The following ADAM10 variants were observed in gnomAD, a reference collection of about 807,000 sequenced individuals.
The protein encoded by ADAM10 is ADAM metallopeptidase domain 10.
In ADAM10, 17 loss-of-function variants were observed where a neutral mutation model predicts 90.1. The ratio of observed to expected loss-of-function variants is 0.19; its 90% confidence interval spans 0.13 to 0.28. The LOEUF is 0.28. Among genes scored for constraint, ADAM10 ranks in the 10% least tolerant of loss-of-function variants. The pLI, the probability that ADAM10 is intolerant of heterozygous loss-of-function variation, is 1.00. For synonymous variants in ADAM10, 310 were observed against 298.6 expected (o/e 1.04, Z -0.40); for missense variants, 610 against 914.3 (o/e 0.67, Z 4.29).
chr15:58,607,528 C>T (rs2140994786), intron 14 of ADAM10, among the ~76,000 whole-genome samples: 1 of 152,314 alleles, frequency 6.6e-6, no homozygotes, highest in Non-Finnish European at 1.5e-5. Flanking sequence ...TCTAATGGAA[C>T]TAGTGTTCTG....
intron 2 of ADAM10, among the ~76,000 whole-genome samples, chr15:58,699,072 GGAA>G (rs1406768706): frequency 6.6e-6 from 1 of 152,124 alleles, no homozygotes; most frequent in East Asian, 1.9e-4. Flanking sequence ...CATTTACAAG[GGAA>G]CTCCTATCAG....
At chr15:58,629,834 G>T (rs539805565) in intron 9 of ADAM10, among the ~76,000 whole-genome samples, 2 of 151,786 alleles carry the variant, frequency 1.3e-5, no homozygotes, top group African/African-American at 4.8e-5. Flanking sequence ...GTGTAGTGGC[G>T]TGATCCTGGC....
intron 14 of ADAM10, among the ~76,000 whole-genome samples, chr15:58,608,040 C>G (rs536645725): frequency 1.4e-4 from 22 of 152,246 alleles, no homozygotes; most frequent in African/African-American, 5.3e-4. Context: ...TTTATCCTGT[C>G]CAAACACACA....
intron 11 of ADAM10, among the ~76,000 whole-genome samples, chr15:58,619,589 A>G (rs774724949): frequency 4.6e-5 from 7 of 152,210 alleles, no homozygotes; most frequent in Non-Finnish European, 7.3e-5. Flanking sequence ...ATAAATATGT[A>G]CAATCATTAT....
At chr15:58,654,335 T>C (rs2140710032) in intron 5 of ADAM10, among the ~76,000 whole-genome samples, 1 of 152,302 alleles carries the variant, frequency 6.6e-6, no homozygotes, top group East Asian at 1.9e-4. Context: ...ATATAAACTT[T>C]CCTCTTAGTA....
At chr15:58,748,802 T>C (rs1368432339) in intron 1 of ADAM10, 6 of 397,300 alleles carry the variant, frequency 1.5e-5, no homozygotes, top group Non-Finnish European at 2.7e-5. Flanking sequence ...CACCCTCCTG[T>C]GATCTCTCTC....
At chr15:58,668,759 T>C (rs1347468828) in intron 4 of ADAM10, among the ~76,000 whole-genome samples, 2 of 152,266 alleles carry the variant, frequency 1.3e-5, no homozygotes, top group East Asian at 3.9e-4. Flanking sequence ...AATTTTAAAA[T>C]TCTCTTTCCT....
At chr15:58,713,388 G>A (rs1192952727) in intron 2 of ADAM10, among the ~76,000 whole-genome samples, 1 of 152,122 alleles carries the variant, frequency 6.6e-6, no homozygotes, top group Non-Finnish European at 1.5e-5. Flanking sequence ...TTACAGACAT[G>A]AGCCACCATG....
chr15:58,701,617 C>T (rs1285892178), intron 2 of ADAM10, among the ~76,000 whole-genome samples: 10 of 152,236 alleles, frequency 6.6e-5, no homozygotes, highest in African/African-American at 1.7e-4. Flanking sequence ...CCACATGATC[C>T]GGCAATCCTG....
At chr15:58,686,751 A>T in intron 2 of ADAM10, 1 of 576,824 alleles carries the variant, frequency 1.7e-6, no homozygotes, top group East Asian at 2.8e-5. Context: ...CCCGTCCTAT[A>T]GCCAAAATCA....
In ADAM10 at chr15:58,595,472, A is replaced by T. The variant is rs1245178557; in HGVS notation, c.*2075T>A. On this transcript the variant is annotated 3_prime_UTR_variant, in exon 16 of 16. Transcript: ENST00000260408. ...CTTTGCACAATACTTTATTTTTTGC[A>T]ATTTTTAGTAAAAATTTCCAAAGTG... 6.6e-6 allele frequency: 1 copy of T among 152,156 alleles called. No homozygotes were observed. The highest frequency in any genetic ancestry group is 2.4e-5 in the African/African-American group (1 of 41,446). The allele number at this position is 152,156 out of a possible 1,614,324, so 9.4% of individuals were successfully genotyped here.
chr15:58,748,950 C>T, intron 1 of ADAM10: 1 of 398,746 alleles, frequency 2.5e-6, no homozygotes, highest in Non-Finnish European at 4.4e-6. Context: ...ATACACGAGC[C>T]CAGCTGCAAA....
intron 2 of ADAM10, chr15:58,691,202 C>T (rs1468842115): frequency 1.3e-6 from 1 of 754,062 alleles, no homozygotes; most frequent in Non-Finnish European, 2.5e-6. Context: ...CTTTCATGAG[C>T]CTGCAGAGGT....
chr15:58,699,111 T>A (rs966136410), intron 2 of ADAM10, among the ~76,000 whole-genome samples: 38 of 152,112 alleles, frequency 2.5e-4, no homozygotes, highest in African/African-American at 8.9e-4. Flanking sequence ...CTCAGCAGAA[T>A]CCTTACAGGC....
At chr15:58,742,776 C>G (rs982087233) in intron 1 of ADAM10, among the ~76,000 whole-genome samples, 4 of 152,108 alleles carry the variant, frequency 2.6e-5, no homozygotes, top group African/African-American at 7.2e-5. Flanking sequence ...GATTTTTGTT[C>G]AGAACAAGCA....
At chr15:58,742,751 G>C (rs1180537522) in intron 1 of ADAM10, among the ~76,000 whole-genome samples, 1 of 152,126 alleles carries the variant, frequency 6.6e-6, no homozygotes, top group Non-Finnish European at 1.5e-5. Context: ...AGACTACTTA[G>C]AATTACCACT....
intron 2 of ADAM10, among the ~76,000 whole-genome samples, chr15:58,710,112 T>C (rs1316398442): frequency 1.3e-5 from 2 of 152,144 alleles, no homozygotes; most frequent in East Asian, 1.9e-4. Context: ...ACCCCATCTC[T>C]ACTAAAAATA....
chr15:58,702,363 C>A (rs1303293806), intron 2 of ADAM10, among the ~76,000 whole-genome samples: 1 of 151,832 alleles, frequency 6.6e-6, no homozygotes, highest in Non-Finnish European at 1.5e-5. Context: ...ACAATTAGAT[C>A]GAAGTAAAAA....
At chr15:58,641,193 T>C (rs1483620681) in intron 7 of ADAM10, among the ~76,000 whole-genome samples, 2 of 152,192 alleles carry the variant, frequency 1.3e-5, no homozygotes, top group Non-Finnish European at 2.9e-5. Flanking sequence ...AAATTGAAGA[T>C]GTTAAATTTC....
Sources: allele counts gnomAD v4.1 joint callset (sites outside exome capture counted in the v4.1 genomes callset), GRCh38; gene constraint gnomAD v4.1.1; transcripts MANE v1.5; gene names NCBI Gene and HGNC (gene_info 2026-07-23, HGNC 2026-07-21).